ADCY3: variants seen among roughly 807,000 people sequenced by gnomAD.
The protein encoded by ADCY3 is adenylate cyclase 3, also known as adenylate cyclase type 3.
Under a neutral mutation model 119.4 loss-of-function variants are expected in ADCY3, and 70 were observed. The ratio of observed to expected loss-of-function variants is 0.59; its 90% CI spans 0.48 to 0.72. ADCY3 has a LOEUF of 0.72. Among genes scored for constraint, ADCY3 ranks in the 30% least tolerant of loss-of-function variants. The probability of loss-of-function intolerance (pLI) is 0.00; values close to 1 mark genes in which losing one functional copy is unlikely to be tolerated. For synonymous variants in ADCY3, 672 were observed against 621.4 expected, an observed-to-expected ratio of 1.08 and a Z score of -1.21; for missense variants, 1,238 against 1,541.6, an observed-to-expected ratio of 0.80 and a Z score of 3.30.
rs1349544308 is a variant in ADCY3, at chr2:24,834,771, G to T, written c.1805+23C>A. On this transcript the variant is annotated intron_variant, in intron 10 of 21. Coordinates refer to ENST00000679454, the MANE Select transcript of ADCY3 (RefSeq NM_004036.5). This position sits in a 1 kb window ranked among gnomAD's most constrained non-coding sequence, Gnocchi z 4.2. ...AGGGCCCGGGAGGAGTGGTGGGCCTGGACGCTTCCGGGTGGCGCTTACACT... is the reference window on the plus strand; with the variant it reads ...AGGGCCCGGGAGGAGTGGTGGGCCTTGACGCTTCCGGGTGGCGCTTACACT... 1 of 1,609,252 alleles carries T rather than the reference G, an allele frequency of 6.2e-7. No homozygotes were observed. The highest frequency in any genetic ancestry group is 1.1e-5 in the South Asian group (1 of 90,966).
chr2:24,912,551 A>ATGTG lies in ADCY3; in HGVS notation c.675+5758_675+5761dup, dbSNP rs144669155. Among the ~76,000 whole-genome samples, 56 of 98,718 alleles carry ATGTG rather than the reference A, an allele frequency of 5.7e-4. 1 individual carries two copies. The highest frequency in any genetic ancestry group is 2.4e-3 in the African/African-American group (54 of 22,352). The allele number at this position is 98,718 out of a possible 152,430, so 64.8% of individuals were successfully genotyped here. On this transcript the variant is annotated intron_variant, in intron 2 of 21. Coordinates refer to ENST00000679454, the MANE Select transcript of ADCY3 (RefSeq NM_004036.5). Reference sequence around the variant, plus strand: ...AGACCAAGCCCAGGAGTGAGCACGCATGTGTGTGTGTGTGTGCATGTGTGT... The same window carrying ATGTG: ...AGACCAAGCCCAGGAGTGAGCACGCATGTGTGTGTGTGTGTGTGTGCATGTGTGT...
intron 3 of ADCY3, among the ~76,000 whole-genome samples, chr2:24,869,838 TG>T (rs1674746137): frequency 6.6e-6 from 1 of 152,124 alleles, no homozygotes; most frequent in South Asian, 2.1e-4. Context: ...TACCAAAACC[TG>T]TCAAGCACAT....
chr2:24,829,664 C>A (rs540923923), intron 13 of ADCY3, among the ~76,000 whole-genome samples: 2 of 150,522 alleles, frequency 1.3e-5, no homozygotes, highest in Non-Finnish European at 1.5e-5. Context: ...CCTCGTGATC[C>A]GCCCGCCTTG....
chr2:24,838,178 G>A (rs1259596717), intron 8 of ADCY3, among the ~76,000 whole-genome samples: 5 of 151,688 alleles, frequency 3.3e-5, no homozygotes, highest in Non-Finnish European at 7.4e-5. Context: ...GGGCGCCACC[G>A]ACACATCTCC....
At position 24,919,718 on chromosome 2, in the gene ADCY3, G is replaced by A. The variant is rs1056311207; in HGVS notation, c.-233C>T. 1 of 152,108 alleles carries A rather than the reference G, an allele frequency of 6.6e-6. No homozygotes were observed. Among genetic ancestry groups the A allele is most frequent in the Admixed American group, 6.5e-5 (1 of 15,286 alleles). 9.4% of individuals were successfully genotyped at this position (152,108 alleles called of 1,614,324 possible). ...ACTCGGCCACCGCGTGCTCCGGGACGGTCCCCGCGCGGGCTGGGGCGGGAG... is the reference window on the plus strand; with the variant it reads ...ACTCGGCCACCGCGTGCTCCGGGACAGTCCCCGCGCGGGCTGGGGCGGGAG... On this transcript the variant is annotated 5_prime_UTR_variant, in exon 1 of 22. Transcript: ENST00000679454. The surrounding 1 kb of genome is among the most constrained non-coding windows in gnomAD (Gnocchi z 5.5).
In ADCY3 at chr2:24,824,544, CACAG is replaced by C; in HGVS notation, c.2578-12_2578-9del. ...CCGTGCCAGTTTTTCTACCTACAGA[CACAG>C]ACAAGGCGAGGCATGTGCTCTAAGC... On this transcript the variant is annotated splice_polypyrimidine_tract_variant and intron_variant, in intron 16 of 21. Transcript: ENST00000679454. The C allele has an allele frequency of 1.2e-6, 2 of 1,613,782 alleles. No individual in the cohort carries two copies. The highest frequency in any genetic ancestry group is 1.7e-6 in the Non-Finnish European group (2 of 1,179,744).
chr2:24,912,569 A>ATGTGTG (rs1436630372), intron 2 of ADCY3, among the ~76,000 whole-genome samples: 1 of 39,658 alleles, frequency 2.5e-5, no homozygotes, highest in African/African-American at 3.4e-4. Flanking sequence ...GTGTGTGTGC[A>ATGTGTG]TGTGTGTGTG....
intron 21 of ADCY3, 164 bp downstream of exon 21, chr2:24,820,560 T>G: frequency 1.4e-6 from 2 of 1,423,618 alleles, no homozygotes; most frequent in South Asian, 2.9e-5. Context: ...CTTCCTGTGC[T>G]GAGGCTAGCT....
chr2:24,821,452 T>G (rs1452698643), intron 20 of ADCY3, 65 bp downstream of exon 20: 9 of 1,590,628 alleles, frequency 5.7e-6, no homozygotes, highest in Non-Finnish European at 7.7e-6. Context: ...TCTCTCCTGG[T>G]GGTGGGCCAG....
At chr2:24,829,908 A>T (rs574220302) in intron 13 of ADCY3, among the ~76,000 whole-genome samples, 1 of 151,222 alleles carries the variant, frequency 6.6e-6, no homozygotes, top group South Asian at 2.1e-4. Flanking sequence ...TGGGCTCCCA[A>T]CTCCTGTCCC....
chr2:24,838,580 C>G lies in ADCY3; in HGVS notation c.1398G>C (p.Gly466=). The stretch of plus-strand genomic sequence containing the variant: ...CATCGCCTGGCTCCACATCAAACTC[C>G]CCTTTCAGGCAGTCCATGGTGCTCT... ...ISQSTMDCLK[G]EFDVEPGDGG... is the part of the protein sequence containing the mutation. The change falls in exon 8 of 22, where the codon GGG becomes GGC. Residue 466 remains glycine, a synonymous_variant. Coordinates refer to ENST00000679454, the MANE Select transcript of ADCY3 (RefSeq NM_004036.5). 6.2e-7 allele frequency: 1 copy of G among 1,614,156 alleles called. No homozygotes were observed. Among genetic ancestry groups the G allele is most frequent in the African/African-American group, 1.3e-5 (1 of 75,062 alleles).
At chr2:24,883,011 G>C (rs1402222304) in intron 2 of ADCY3, among the ~76,000 whole-genome samples, 1 of 151,552 alleles carries the variant, frequency 6.6e-6, no homozygotes, top group Non-Finnish European at 1.5e-5. Flanking sequence ...AGTGAGCCGA[G>C]ATCACACCAC....
chr2:24,870,171 A>G (rs1453839143), intron 3 of ADCY3, among the ~76,000 whole-genome samples: 8 of 151,036 alleles, frequency 5.3e-5, no homozygotes, highest in Non-Finnish European at 1.2e-4. Flanking sequence ...AAAAAAAAAA[A>G]TTAGCCAGGT....
intron 2 of ADCY3, among the ~76,000 whole-genome samples, chr2:24,910,280 G>A (rs1020731335): frequency 6.6e-6 from 1 of 152,110 alleles, no homozygotes; most frequent in Non-Finnish European, 1.5e-5. Context: ...ATGGCTCATT[G>A]CAGCATCCGG....
intron 3 of ADCY3, among the ~76,000 whole-genome samples, chr2:24,856,475 G>A (rs949033306): frequency 2.6e-5 from 4 of 152,208 alleles, no homozygotes. Flanking sequence ...AAGCCAAAAA[G>A]TCACTGCACC....
At position 24,918,836 on chromosome 2, in the gene ADCY3, C is replaced by T; in HGVS notation, c.152G>A (p.Arg51His). The stretch of plus-strand genomic sequence containing the variant: ...CGGCACGAAAGTCAGCCGCATGAAG[C>T]GAGGCAGGCACAGGCAGGAGCCCGA... ...RNSGSCLCLP[R>H]FMRLTFVPES... The change falls in exon 2 of 22, where the codon CGC becomes CAC. Residue 51 changes from arginine to histidine, a missense_variant. By Grantham distance (29) the Arg-to-His change is conservative. This residue lies in a region of ADCY3 where 227 missense variants were observed against 249.3 expected (regional missense o/e 0.91). Transcript: ENST00000679454. This position sits in a 1 kb window ranked among gnomAD's most constrained non-coding sequence, Gnocchi z 5.4. 3 of 1,613,620 alleles carry T rather than the reference C, an allele frequency of 1.9e-6. No homozygotes were observed. Among genetic ancestry groups the T allele is most frequent in the Non-Finnish European group, 2.5e-6 (3 of 1,180,036 alleles).
intron 2 of ADCY3, among the ~76,000 whole-genome samples, chr2:24,907,249 C>T (rs760715270): frequency 3.3e-5 from 5 of 151,980 alleles, no homozygotes; most frequent in Non-Finnish European, 5.9e-5. Context: ...AGGCAGCTGT[C>T]GCAGTCTTCC....
intron 3 of ADCY3, among the ~76,000 whole-genome samples, chr2:24,844,215 C>T (rs540310598): frequency 2.4e-4 from 36 of 152,196 alleles, no homozygotes; most frequent in Admixed American, 2.3e-3. Context: ...AGGCCCGTGT[C>T]GCCATGGGGT....
intron 2 of ADCY3, among the ~76,000 whole-genome samples, chr2:24,876,482 T>C (rs111502173): frequency 0.015 from 2,223 of 152,332 alleles, 40 homozygotes; most frequent in African/African-American, 0.045. Flanking sequence ...GCTAATAAGA[T>C]TCAGAAATTT....
Sources: gnomAD v4.1 joint callset for allele counts (sites outside exome capture counted in the v4.1 genomes callset) on GRCh38, gnomAD v4.1.1 for gene constraint, gnomAD v4.1.1 regional missense constraint, Gnocchi (gnomAD v3.1) non-coding constraint, MANE v1.5 for transcripts, NCBI Gene and HGNC (gene_info 2026-07-23, HGNC 2026-07-21) for gene names.